SDK2: variants seen among roughly 807,000 people sequenced by gnomAD.
The protein encoded by SDK2 is sidekick cell adhesion molecule 2, also known as protein sidekick-2.
A neutral mutation model predicts 253.9 loss-of-function variants in SDK2; 105 were observed. That is an observed-to-expected ratio of 0.41 (90% confidence interval 0.35 to 0.49). The LOEUF (loss-of-function observed/expected upper bound fraction) is 0.49, where lower values mean the gene tolerates loss of function less well. SDK2 is among the 20% of genes least tolerant of loss of function. The probability of loss-of-function intolerance (pLI) is 0.06; values close to 1 mark genes in which losing one functional copy is unlikely to be tolerated. For missense variants in SDK2, 2,608 were observed against 3,003.0 expected, an observed-to-expected ratio of 0.87 and a Z score of 3.07; for synonymous variants, 1,249 against 1,234.9, an observed-to-expected ratio of 1.01 and a Z score of -0.24.
chr17:73,628,403 C>T (rs147755676), intron 1 of SDK2, among the ~76,000 whole-genome samples: 81 of 152,328 alleles, frequency 5.3e-4, no homozygotes, highest in Non-Finnish European at 9.6e-4. Context: ...TCCTCCTAGA[C>T]GCCTGAGAGG....
At chr17:73,640,241 C>T (rs2046381560) in intron 1 of SDK2, among the ~76,000 whole-genome samples, 1 of 124,200 alleles carries the variant, frequency 8.1e-6, no homozygotes, top group Non-Finnish European at 1.6e-5. Flanking sequence ...CGAACAAATG[C>T]ATGAAGCGGG....
At position 73,338,431 on chromosome 17, in the gene SDK2, C is replaced by A; in HGVS notation, c.*156G>T. ...ACGGTTTTCTCCCTCCTTCTGAACG[C>A]CGGCTTTGCTGGCCCTGGAATCTCT... On this transcript the variant is annotated 3_prime_UTR_variant, in exon 45 of 45. Transcript: ENST00000392650. This position sits in a 1 kb window ranked among gnomAD's most constrained non-coding sequence, Gnocchi z 5.0. 1.4e-6 allele frequency: 1 copy of A among 703,514 alleles called. No individual in the cohort carries two copies. Among genetic ancestry groups the A allele is most frequent in the Non-Finnish European group, 2.6e-6 (1 of 389,308 alleles). The allele number at this position is 703,514 out of a possible 1,614,324, so 43.6% of individuals were successfully genotyped here. A position where few individuals can be genotyped will look rare whatever the true frequency, so the allele number is the denominator to read the frequency against.
rs2045948168 is a variant in SDK2, at chr17:73,609,487, C to T, written c.64+34538G>A. On this transcript the variant is annotated intron_variant, in intron 1 of 44. Transcript: ENST00000392650. This position sits in a 1 kb window ranked among gnomAD's most constrained non-coding sequence, Gnocchi z 4.4. ...AGTGGAAGCCCGACTGGGTTTAAGACAGAAAGGGAAGACAGGAATTAGAGA... is the reference window on the plus strand; with the variant it reads ...AGTGGAAGCCCGACTGGGTTTAAGATAGAAAGGGAAGACAGGAATTAGAGA... 6.6e-6 allele frequency among the ~76,000 whole-genome samples: 1 copy of T among 152,122 alleles called. No homozygotes were observed. Among genetic ancestry groups the T allele is most frequent in the East Asian group, 1.9e-4 (1 of 5,196 alleles).
chr17:73,526,945 T>C (rs1188700402), intron 1 of SDK2, among the ~76,000 whole-genome samples: 1 of 152,234 alleles, frequency 6.6e-6, no homozygotes, highest in African/African-American at 2.4e-5. Context: ...GAACACCAGT[T>C]ATAGGCCCTG....
chr17:73,372,541 A>G (rs75125621), intron 36 of SDK2, among the ~76,000 whole-genome samples: 7,314 of 152,104 alleles, frequency 0.048, 198 homozygotes, highest in African/African-American at 0.088. Flanking sequence ...CTGCCCTTTC[A>G]TTTCTTTTTT....
rs146888812 is a variant in SDK2, at chr17:73,483,521, GTATATATATA to G, written c.225-11313_225-11304del. On this transcript the variant is annotated intron_variant, in intron 2 of 44. Transcript: ENST00000392650. ...TGTGTGTGTGTGTGTATGTGTGTGT[GTATATATATA>G]TGTATGTATATATGTATGTATATGT... Among the ~76,000 whole-genome samples the G allele has an allele frequency of 4.9e-3, 653 of 134,548 alleles. 10 individuals carry two copies. Among genetic ancestry groups the G allele is most frequent in the African/African-American group, 0.017 (602 of 35,228 alleles). The allele number at this position is 134,548 out of a possible 152,430, so 88.3% of individuals were successfully genotyped here. A position where few individuals can be genotyped will look rare whatever the true frequency, so the allele number is the denominator to read the frequency against.
At chr17:73,523,600 A>G (rs951485832) in intron 1 of SDK2, among the ~76,000 whole-genome samples, 9 of 152,076 alleles carry the variant, frequency 5.9e-5, no homozygotes, top group Admixed American at 5.2e-4. Flanking sequence ...AGAAACCAGA[A>G]GAGGCAAGGA....
Position 73,523,274 on chromosome 17 carries a change from C to T in SDK2, c.65-15677G>A, listed in dbSNP as rs556295691. ...TTATGCCAGGAGAGCCTCTCTTCCC[C>T]GAGAGAGACCAAGCTTCCCCTCTTG... On this transcript the variant is annotated intron_variant, in intron 1 of 44. Transcript: ENST00000392650. 5.3e-5 allele frequency among the ~76,000 whole-genome samples: 8 copies of T among 151,938 alleles called. No homozygotes were observed. The South Asian group carries it at 1.3e-3, about 24-fold the overall frequency.
At position 73,488,919 on chromosome 17, in the gene SDK2, C is replaced by T. The variant is rs183769178; in HGVS notation, c.225-16701G>A. 5.4e-4 allele frequency among the ~76,000 whole-genome samples: 82 copies of T among 152,124 alleles called. 1 individual carries two copies. Among genetic ancestry groups the T allele is most frequent in the East Asian group, 2.7e-3 (14 of 5,176 alleles). On this transcript the variant is annotated intron_variant, in intron 2 of 44. Transcript: ENST00000392650. ...GCATGGTGATTTCTACCAACGTATC[C>T]GTCACACAGCAGCAGAACTGACTGC...
At chr17:73,433,675 T>G (rs908484434) in intron 10 of SDK2, 57 bp downstream of exon 10, 2 of 1,340,280 alleles carry the variant, frequency 1.5e-6, no homozygotes, top group African/African-American at 1.4e-5. Flanking sequence ...AGCCTAGTTC[T>G]GAAGACTCTT....
At chr17:73,532,740 C>A (rs1489102775) in intron 1 of SDK2, among the ~76,000 whole-genome samples, 2 of 152,132 alleles carry the variant, frequency 1.3e-5, no homozygotes, top group African/African-American at 4.8e-5. Flanking sequence ...TCTCTCTTGT[C>A]CCACCAGAGG....
In SDK2 at chr17:73,570,399, G is replaced by A. The variant is rs2045368107; in HGVS notation, c.65-62802C>T. On this transcript the variant is annotated intron_variant, in intron 1 of 44. Coordinates refer to ENST00000392650, the MANE Select transcript of SDK2 (RefSeq NM_001144952.2). This position sits in a 1 kb window ranked among gnomAD's most constrained non-coding sequence, Gnocchi z 4.2. ...CAATAAAGAGCCTCCAGGTGCATGT[G>A]AGGGTGGGTGAGGTGGCTCCCACTG... Among the ~76,000 whole-genome samples the A allele has an allele frequency of 6.6e-6, 1 of 152,192 alleles. No homozygotes were observed. The highest frequency in any genetic ancestry group is 1.5e-5 in the Non-Finnish European group (1 of 68,038).
rs1352360553 is a variant in SDK2, at chr17:73,419,154, G to C, written c.2186+12C>G. On this transcript the variant is annotated intron_variant, in intron 16 of 44. Coordinates refer to ENST00000392650, the MANE Select transcript of SDK2 (RefSeq NM_001144952.2). ...TTGGGACTGGGCTCCTGTCCCCAGG[G>C]TGGACACCCACCTGATGATGTAACC... 1 of 1,610,760 alleles carries C rather than the reference G, an allele frequency of 6.2e-7. No homozygotes were observed. The highest frequency in any genetic ancestry group is 8.5e-7 in the Non-Finnish European group (1 of 1,178,798).
intron 1 of SDK2, among the ~76,000 whole-genome samples, chr17:73,638,551 T>C (rs973676068): frequency 6.6e-6 from 1 of 152,020 alleles, no homozygotes; most frequent in Non-Finnish European, 1.5e-5. Context: ...GAACTTCAAG[T>C]GCCAGGTTGG....
At chr17:73,619,679 G>A (rs763581008) in intron 1 of SDK2, among the ~76,000 whole-genome samples, 49 of 152,188 alleles carry the variant, frequency 3.2e-4, no homozygotes, top group Middle Eastern at 3.4e-3. Flanking sequence ...CTTGGATTTT[G>A]CAATGGATTC....
chr17:73,491,642 C>T lies in SDK2; in HGVS notation c.224+15796G>A, dbSNP rs367665183. On this transcript the variant is annotated intron_variant, in intron 2 of 44. Coordinates refer to ENST00000392650, the MANE Select transcript of SDK2 (RefSeq NM_001144952.2). Reference sequence around the variant, plus strand: ...TGGCCCCTCTCTCTACCTTCCTCAACGTCTGCTCAGATCACAGGCAGCAGG... The same window carrying T: ...TGGCCCCTCTCTCTACCTTCCTCAATGTCTGCTCAGATCACAGGCAGCAGG... 2.6e-4 allele frequency among the ~76,000 whole-genome samples: 39 copies of T among 152,348 alleles called. No individual in the cohort carries two copies. The South Asian group carries it at 6.2e-3, about 24-fold the overall frequency.
Position 73,395,462 on chromosome 17 carries a change from G to A in SDK2, c.3355-70C>T. ...CCACTGTGCAGGGAGGAACTGCCCT[G>A]CTACCCTCTCCTCCAGGGCGCCTTC... On this transcript the variant is annotated intron_variant, in intron 24 of 44. Coordinates refer to ENST00000392650, the MANE Select transcript of SDK2 (RefSeq NM_001144952.2). This position sits in a 1 kb window ranked among gnomAD's most constrained non-coding sequence, Gnocchi z 4.3. 3.0e-6 allele frequency: 4 copies of A among 1,314,300 alleles called. No individual in the cohort carries two copies. The East Asian group carries it at 9.4e-5, about 31-fold the overall frequency. 81.4% of individuals were successfully genotyped at this position (1,314,300 alleles called of 1,614,324 possible). A position where few individuals can be genotyped will look rare whatever the true frequency, so the allele number is the denominator to read the frequency against.
intron 24 of SDK2, among the ~76,000 whole-genome samples, chr17:73,397,719 G>T (rs1429725550): frequency 1.3e-5 from 2 of 152,202 alleles, no homozygotes; most frequent in Non-Finnish European, 2.9e-5. Flanking sequence ...TAACCTCTCT[G>T]AGCCTCAGTT....
Position 73,395,362 on chromosome 17 carries a change from G to C in SDK2, c.3385C>G (p.Pro1129Ala). 1 of 1,613,956 alleles carries C rather than the reference G, an allele frequency of 6.2e-7. No homozygotes were observed. The highest frequency in any genetic ancestry group is 8.5e-7 in the Non-Finnish European group (1 of 1,179,874). The part of the protein sequence containing the change: ...PLPEMEYNGN[P>A]ESVGYKIKYS... Reference sequence around the variant, plus strand: ...TTGATCTTATAGCCCACGGACTCAGGGTTCCCATTGTATTCCATCTCCGGG... The same window carrying C: ...TTGATCTTATAGCCCACGGACTCAGCGTTCCCATTGTATTCCATCTCCGGG... Residue 1129 changes from proline to alanine, a missense_variant, in exon 25 of 45, where the codon CCT (proline) becomes GCT (alanine). Physicochemically the swap from Pro to Ala is conservative, Grantham distance 27. Coordinates refer to ENST00000392650, the MANE Select transcript of SDK2 (RefSeq NM_001144952.2). This position sits in a 1 kb window ranked among gnomAD's most constrained non-coding sequence, Gnocchi z 4.3.
Sources: gnomAD v4.1 joint callset for allele counts (sites outside exome capture counted in the v4.1 genomes callset) on GRCh38, gnomAD v4.1.1 for gene constraint, Gnocchi (gnomAD v3.1) non-coding constraint, MANE v1.5 for transcripts, NCBI Gene and HGNC (gene_info 2026-07-23, HGNC 2026-07-21) for gene names.